NOX4: variants seen among roughly 807,000 people sequenced by gnomAD.
The protein encoded by NOX4 is NADPH oxidase 4.
Under a neutral mutation model 87.6 loss-of-function variants are expected in NOX4, and 69 were observed. The observed-to-expected ratio is 0.79, with a 90% CI of 0.65 to 0.96. The LOEUF is 0.96. Among genes scored for constraint, NOX4 ranks in the 40% least tolerant of loss-of-function variants. The pLI, the probability that NOX4 is intolerant of heterozygous loss-of-function variation, is 0.00. For missense variants in NOX4, 680 were observed against 681.5 expected (o/e 1.00, Z 0.02); for synonymous variants, 275 against 238.2 (o/e 1.15, Z -1.42).
At chr11:89,438,065 A>C (rs979659447) in intron 6 of NOX4, among the ~76,000 whole-genome samples, 31 of 151,372 alleles carry the variant, frequency 2.0e-4, no homozygotes, top group African/African-American at 7.5e-4. Flanking sequence ...ACTAAGGTAG[A>C]CCCAGGAAAT....
the NOX4 span, among the ~76,000 whole-genome samples, chr11:89,509,032 C>T: frequency 2.6e-5 from 4 of 151,606 alleles, no homozygotes; most frequent in African/African-American, 9.7e-5. Context: ...ACTTTATGAA[C>T]ATATGACTCT....
At chr11:89,376,499 C>T (rs1424367664) in intron 11 of NOX4, among the ~76,000 whole-genome samples, 1 of 152,082 alleles carries the variant, frequency 6.6e-6, no homozygotes, top group Non-Finnish European at 1.5e-5. Context: ...TATCGTTCTC[C>T]TAAAACATGA....
intron 2 of NOX4, among the ~76,000 whole-genome samples, chr11:89,489,178 A>G (rs1239113507): frequency 6.6e-6 from 1 of 152,200 alleles, no homozygotes; most frequent in Non-Finnish European, 1.5e-5. Flanking sequence ...CAGGCTTAAT[A>G]TGTGCCAATC....
upstream of NOX4, among the ~76,000 whole-genome samples, chr11:89,493,327 G>A (rs1463679197): frequency 2.0e-5 from 3 of 151,890 alleles, no homozygotes; most frequent in East Asian, 5.8e-4. Flanking sequence ...AGAGGTTGCG[G>A]TGAGCCAAGA....
chr11:89,373,100 T>C (rs956818014), intron 12 of NOX4, among the ~76,000 whole-genome samples: 4 of 151,666 alleles, frequency 2.6e-5, no homozygotes, highest in African/African-American at 9.7e-5. Flanking sequence ...GACTCATGTT[T>C]TCTAAGAAAC....
At chr11:89,430,432 A>G (rs373362914) in intron 7 of NOX4, among the ~76,000 whole-genome samples, 2 of 152,216 alleles carry the variant, frequency 1.3e-5, no homozygotes, top group Admixed American at 6.6e-5. Context: ...TTGCAGATGA[A>G]AGGATTGTAC....
chr11:89,431,114 C>G (rs1410397913), intron 7 of NOX4, among the ~76,000 whole-genome samples: 1 of 152,136 alleles, frequency 6.6e-6, no homozygotes, highest in East Asian at 1.9e-4. Context: ...AAAGAATTCC[C>G]TATTTAATAA....
At chr11:89,568,582 A>G in the NOX4 span, among the ~76,000 whole-genome samples, 1 of 152,244 alleles carries the variant, frequency 6.6e-6, no homozygotes, top group African/African-American at 2.4e-5. Flanking sequence ...GGAAGAATCA[A>G]TATTGTTCAA....
At chr11:89,453,031 G>A (rs1026494492) in intron 2 of NOX4, among the ~76,000 whole-genome samples, 6 of 125,030 alleles carry the variant, frequency 4.8e-5, no homozygotes, top group African/African-American at 8.1e-5. Flanking sequence ...GTGAAAGGGC[G>A]AGACTCTGTC....
At chr11:89,557,862 T>C in the NOX4 span, among the ~76,000 whole-genome samples, 1 of 152,054 alleles carries the variant, frequency 6.6e-6, no homozygotes, top group Non-Finnish European at 1.5e-5. Context: ...AAAATTAAAG[T>C]TGAACTAACT....
At chr11:89,480,379 A>C (rs1296626736) in intron 2 of NOX4, among the ~76,000 whole-genome samples, 1 of 152,148 alleles carries the variant, frequency 6.6e-6, no homozygotes, top group Non-Finnish European at 1.5e-5. Context: ...AACACGACAT[A>C]ACAACAGTCT....
chr11:89,408,758 G>T (rs1368846084), intron 8 of NOX4, among the ~76,000 whole-genome samples: 1 of 152,150 alleles, frequency 6.6e-6, no homozygotes, highest in Admixed American at 6.6e-5. Flanking sequence ...AATCTGTGCA[G>T]GTGCACCGGA....
At chr11:89,382,695 C>T (rs1487426629) in intron 11 of NOX4, among the ~76,000 whole-genome samples, 1 of 152,066 alleles carries the variant, frequency 6.6e-6, no homozygotes, top group Non-Finnish European at 1.5e-5. Flanking sequence ...CTTCCTCAGA[C>T]TCCACTCCCC....
intron 11 of NOX4, among the ~76,000 whole-genome samples, chr11:89,380,568 C>A (rs543226191): frequency 1.3e-5 from 2 of 151,950 alleles, no homozygotes; most frequent in Non-Finnish European, 2.9e-5. Context: ...AAAACAGGCA[C>A]CCAAAAATAA....
the NOX4 span, among the ~76,000 whole-genome samples, chr11:89,563,907 CT>C: frequency 2.0e-5 from 3 of 152,066 alleles, no homozygotes; most frequent in African/African-American, 7.2e-5. Context: ...GTAAGTTCAA[CT>C]TTTCAAAACA....
chr11:89,566,294 T>G, the NOX4 span, among the ~76,000 whole-genome samples: 1 of 152,074 alleles, frequency 6.6e-6, no homozygotes, highest in Non-Finnish European at 1.5e-5. Flanking sequence ...CCCCGCCCTT[T>G]GCCTCCCAAA....
At chr11:89,485,479 G>A (rs1946555591) in intron 2 of NOX4, among the ~76,000 whole-genome samples, 1 of 151,676 alleles carries the variant, frequency 6.6e-6, no homozygotes, top group African/African-American at 2.4e-5. Context: ...AATGTTTATG[G>A]GAATTACATG....
chr11:89,523,100 C>T, the NOX4 span, among the ~76,000 whole-genome samples: 111 of 152,138 alleles, frequency 7.3e-4, no homozygotes, highest in African/African-American at 2.6e-3. Context: ...TTTTGGATCA[C>T]TGTAACCCCC....
chr11:89,343,319 C>T (rs1323292519), intron 13 of NOX4, among the ~76,000 whole-genome samples: 1 of 152,152 alleles, frequency 6.6e-6, no homozygotes, highest in African/African-American at 2.4e-5. Flanking sequence ...TTAACGGTAT[C>T]AATGAGTGCC....
Sources: allele counts gnomAD v4.1 joint callset (sites outside exome capture counted in the v4.1 genomes callset), GRCh38; gene constraint gnomAD v4.1.1; transcripts MANE v1.5; gene names NCBI Gene and HGNC (gene_info 2026-07-23, HGNC 2026-07-21).